The following FBXL17 variants were observed in gnomAD, a reference collection of about 807,000 sequenced individuals.
The protein encoded by FBXL17 is F-box/LRR-repeat protein 17.
Under a neutral mutation model 66.2 loss-of-function variants are expected in FBXL17, and 22 were observed. The observed-to-expected ratio is 0.33, with a 90% CI of 0.24 to 0.47. The LOEUF is 0.47. Among genes scored for constraint, FBXL17 ranks in the 20% least tolerant of loss-of-function variants. The pLI is 1.00. For missense variants in FBXL17, 878 were observed against 948.2 expected, an observed-to-expected ratio of 0.93 and a Z score of 0.97; for synonymous variants, 474 against 400.5, an observed-to-expected ratio of 1.18 and a Z score of -2.19.
rs187049101 is a variant in FBXL17 at position 108,218,347 on chromosome 5, A to G, written c.1614+5774T>C. On this transcript the variant is annotated intron_variant, in intron 5 of 8. Coordinates refer to ENST00000542267, the MANE Select transcript of FBXL17 (RefSeq NM_001163315.3). ...CCATTTATCCTTTAATGGACATTCC[A>G]TATCAACTTTGGCTACTGTGAATAG... Among the ~76,000 whole-genome samples the G allele has an allele frequency of 1.9e-3, 295 of 152,166 alleles. 2 individuals are homozygous for G. The highest frequency in any genetic ancestry group is 6.9e-3 in the African/African-American group (287 of 41,522).
chr5:107,924,065 T>G (rs1449583489), intron 7 of FBXL17, among the ~76,000 whole-genome samples: 1 of 148,142 alleles, frequency 6.8e-6, no homozygotes, highest in African/African-American at 2.5e-5. Flanking sequence ...TTAGTGTTTT[T>G]TTTTTTTTTT....
intron 6 of FBXL17, among the ~76,000 whole-genome samples, chr5:108,167,657 A>G (rs889249008): frequency 1.3e-5 from 2 of 152,210 alleles, no homozygotes; most frequent in Non-Finnish European, 1.5e-5. Context: ...GTCAGTGACC[A>G]AAAAACTCCT....
rs563420120 is a variant in FBXL17 at position 108,225,080 on chromosome 5, C to T, written c.1507-852G>A. 4.6e-5 allele frequency among the ~76,000 whole-genome samples: 7 copies of T among 152,240 alleles called. No individual in the cohort carries two copies. The South Asian group carries it at 6.2e-4, about 14-fold the overall frequency. Reference sequence around the variant, plus strand: ...CCCCCAAAGACCCCATGCCCATTAACGGTCATTCCCCTATTTCCCACTACC... The same window carrying T: ...CCCCCAAAGACCCCATGCCCATTAATGGTCATTCCCCTATTTCCCACTACC... On this transcript the variant is annotated intron_variant, in intron 4 of 8. Coordinates refer to ENST00000542267, the MANE Select transcript of FBXL17 (RefSeq NM_001163315.3).
At chr5:108,081,716 C>G (rs1748775609) in intron 6 of FBXL17, among the ~76,000 whole-genome samples, 1 of 152,058 alleles carries the variant, frequency 6.6e-6, no homozygotes, top group Non-Finnish European at 1.5e-5. Flanking sequence ...GAGTGAGACT[C>G]TGTCTCAAAA....
At chr5:107,968,637 T>C (rs1228858864) in intron 7 of FBXL17, among the ~76,000 whole-genome samples, 1 of 152,102 alleles carries the variant, frequency 6.6e-6, no homozygotes, top group Non-Finnish European at 1.5e-5. Context: ...ACAAAATTAT[T>C]TTAATATAAA....
At chr5:108,355,869 A>G (rs1463503497) in intron 3 of FBXL17, among the ~76,000 whole-genome samples, 1 of 152,200 alleles carries the variant, frequency 6.6e-6, no homozygotes, top group Admixed American at 6.5e-5. Context: ...GATATGGTAG[A>G]TATTAATCCA....
intron 6 of FBXL17, among the ~76,000 whole-genome samples, chr5:108,039,762 G>GA (rs987560365): frequency 2.0e-5 from 3 of 152,002 alleles, no homozygotes; most frequent in South Asian, 2.1e-4. Context: ...CATTAAAGTA[G>GA]AAAAAATTAA....
At chr5:108,009,292 T>TAGATAGATAGATAGATAGATAGATAG (rs1182877374) in intron 7 of FBXL17, among the ~76,000 whole-genome samples, 638 of 35,878 alleles carry the variant, frequency 0.018, 85 homozygotes, top group African/African-American at 0.035. Flanking sequence ...TATATATATA[T>TAGATAGATAGATAGATAGATAGATAG]ATATATATAC....
chr5:108,280,055 TGAAGTAA>T (rs761003576), intron 4 of FBXL17, among the ~76,000 whole-genome samples: 7 of 152,126 alleles, frequency 4.6e-5, no homozygotes, highest in Non-Finnish European at 1.0e-4. Context: ...ACCTATTTAA[TGAAGTAA>T]TAATTGAAAA....
chr5:107,938,600 T>C (rs920409217), intron 7 of FBXL17, among the ~76,000 whole-genome samples: 6 of 152,164 alleles, frequency 3.9e-5, no homozygotes, highest in Admixed American at 3.3e-4. Flanking sequence ...CTTTCAGCTA[T>C]TGAAAAACTC....
In FBXL17 at chr5:108,033,673, G is replaced by C. The variant is rs147308894; in HGVS notation, c.1746-12672C>G. Among the ~76,000 whole-genome samples, 520 of 152,270 alleles carry C rather than the reference G, an allele frequency of 3.4e-3. 5 individuals are homozygous for C. The highest frequency in any genetic ancestry group is 0.012 in the African/African-American group (484 of 41,578). Reference sequence around the variant, plus strand: ...AGTAGGTGCGCAATTAGTTTTATAAGAAACTGCCAAATCTTCTTCCAAAGC... The same window carrying C: ...AGTAGGTGCGCAATTAGTTTTATAACAAACTGCCAAATCTTCTTCCAAAGC... On this transcript the variant is annotated intron_variant, in intron 6 of 8. Transcript: ENST00000542267.
intron 6 of FBXL17, among the ~76,000 whole-genome samples, chr5:108,126,643 C>CTG: frequency 1.3e-5 from 1 of 74,876 alleles, no homozygotes; most frequent in East Asian, 7.1e-4. Flanking sequence ...CTCTCTCTCT[C>CTG]TCTCTCTCTA....
intron 4 of FBXL17, among the ~76,000 whole-genome samples, chr5:108,225,816 A>G (rs375086382): frequency 6.6e-6 from 1 of 152,178 alleles, no homozygotes; most frequent in East Asian, 1.9e-4. Context: ...TATCCTATCA[A>G]TTAAATGGTC....
chr5:107,950,839 T>C (rs1469462689), intron 7 of FBXL17, among the ~76,000 whole-genome samples: 1 of 152,212 alleles, frequency 6.6e-6, no homozygotes, highest in African/African-American at 2.4e-5. Flanking sequence ...GATTAATGTG[T>C]GACAGTTATC....
chr5:108,363,745 T>C (rs1185218735), intron 3 of FBXL17, among the ~76,000 whole-genome samples: 2 of 152,002 alleles, frequency 1.3e-5, no homozygotes, highest in Non-Finnish European at 2.9e-5. Context: ...TTGTGTTATA[T>C]CAGAATTAAA....
chr5:108,148,998 G>A (rs1003787434), intron 6 of FBXL17, among the ~76,000 whole-genome samples: 1 of 152,070 alleles, frequency 6.6e-6, no homozygotes, highest in Non-Finnish European at 1.5e-5. Context: ...CAAAACAGAG[G>A]CCCCTTGCTT....
chr5:108,376,505 T>A (rs1295642805), intron 1 of FBXL17, among the ~76,000 whole-genome samples: 4 of 152,190 alleles, frequency 2.6e-5, no homozygotes, highest in Non-Finnish European at 5.9e-5. Context: ...AGAATAAAAC[T>A]TTTTTTACAG....
At position 108,154,287 on chromosome 5, in the gene FBXL17, GAAA is replaced by G. The variant is rs56042627; in HGVS notation, c.1745+31827_1745+31829del. ...AAACAGTGTGGAAAGGATCACAGCT[GAAA>G]AAAAAAAAAAAAAAAAAGATATGCC... On this transcript the variant is annotated intron_variant, in intron 6 of 8. Coordinates refer to ENST00000542267, the MANE Select transcript of FBXL17 (RefSeq NM_001163315.3). Among the ~76,000 whole-genome samples, 566 of 98,376 alleles carry G rather than the reference GAAA, an allele frequency of 5.8e-3. 2 individuals are homozygous for G. Among genetic ancestry groups the G allele is most frequent in the African/African-American group, 0.019 (465 of 24,054 alleles). The allele number at this position is 98,376 out of a possible 152,430, so 64.5% of individuals were successfully genotyped here. A position where few individuals can be genotyped will look rare whatever the true frequency, so the allele number is the denominator to read the frequency against.
At chr5:108,316,952 A>T (rs1429819374) in intron 4 of FBXL17, among the ~76,000 whole-genome samples, 1 of 151,312 alleles carries the variant, frequency 6.6e-6, no homozygotes, top group East Asian at 1.9e-4. Context: ...CTTTTTATAC[A>T]ATTAACTGTG....
Sources: allele counts gnomAD v4.1 joint callset (sites outside exome capture counted in the v4.1 genomes callset), GRCh38; gene constraint gnomAD v4.1.1; transcripts MANE v1.5; gene names NCBI Gene and HGNC (gene_info 2026-07-23, HGNC 2026-07-21).